Variants in ARFGEF2 observed in about 807,000 individuals in gnomAD.
The protein encoded by ARFGEF2 is brefeldin A-inhibited guanine nucleotide-exchange protein 2.
Under a neutral mutation model 219.9 loss-of-function variants are expected in ARFGEF2, and 74 were observed. The observed-to-expected ratio is 0.34, with a 90% CI of 0.28 to 0.41. The LOEUF (loss-of-function observed/expected upper bound fraction) is 0.41, where lower values mean the gene tolerates loss of function less well. Among genes scored for constraint, ARFGEF2 ranks in the 10% least tolerant of loss-of-function variants. The pLI is 1.00. For synonymous variants in ARFGEF2, 733 were observed against 799.2 expected (o/e 0.92, Z 1.40); for missense variants, 1,743 against 2,218.3 (o/e 0.79, Z 4.30).
chr20:48,980,174 A>G (rs1481687245), intron 14 of ARFGEF2, among the ~76,000 whole-genome samples: 1 of 152,198 alleles, frequency 6.6e-6, no homozygotes, highest in African/African-American at 2.4e-5. Flanking sequence ...AGACTCTGGT[A>G]CGTTGTTTCT....
intron 1 of ARFGEF2, among the ~76,000 whole-genome samples, chr20:48,933,296 T>C (rs2090924945): frequency 6.6e-6 from 1 of 152,200 alleles, no homozygotes; most frequent in Non-Finnish European, 1.5e-5. Context: ...ACCGTCCTCC[T>C]TCTGTCATCG....
intron 6 of ARFGEF2, among the ~76,000 whole-genome samples, chr20:48,963,269 G>C (rs1051280365): frequency 3.3e-5 from 5 of 151,966 alleles, no homozygotes; most frequent in African/African-American, 1.2e-4. Context: ...TTCTGCGGCG[G>C]GGGGAGTAAG....
chr20:48,959,724 C>T (rs1180286974), intron 6 of ARFGEF2, among the ~76,000 whole-genome samples: 1 of 150,730 alleles, frequency 6.6e-6, no homozygotes, highest in Non-Finnish European at 1.5e-5. Context: ...ATCCTCCTGA[C>T]TCAGCCTCCC....
chr20:48,971,082 C>T lies in ARFGEF2; in HGVS notation c.1191-38C>T, dbSNP rs568896448. On this transcript the variant is annotated intron_variant, in intron 9 of 38. Coordinates refer to ENST00000371917, the MANE Select transcript of ARFGEF2 (RefSeq NM_006420.3). ...AGAAACATACTGTTTGACATTTTTT[C>T]TTTTAGCACTGTTGTGGTTTTTCAT... The T allele has an allele frequency of 9.6e-6, 15 of 1,561,504 alleles. No homozygotes were observed. In the South Asian group the frequency reaches 1.6e-4, roughly 16 times the overall value.
intron 26 of ARFGEF2, among the ~76,000 whole-genome samples, chr20:49,007,775 C>T (rs1334356821): frequency 1.3e-5 from 2 of 152,096 alleles, no homozygotes; most frequent in Non-Finnish European, 2.9e-5. Flanking sequence ...AACCCAGAGT[C>T]TGGCATCACC....
chr20:48,974,507 A>G (rs1405147478), intron 12 of ARFGEF2, among the ~76,000 whole-genome samples: 2 of 152,140 alleles, frequency 1.3e-5, no homozygotes, highest in Non-Finnish European at 1.5e-5. Context: ...TCCAAATAAC[A>G]TTGTTCATTT....
At chr20:49,008,301 A>G (rs6122740) in intron 26 of ARFGEF2, among the ~76,000 whole-genome samples, 150,463 of 152,302 alleles carry the variant, frequency 0.99, 74,346 homozygotes, top group Middle Eastern at 1. Flanking sequence ...GGTGGCTCAC[A>G]CCTGTAATCC....
In ARFGEF2 at chr20:48,950,623, AT is replaced by A. The variant is rs200228281; in HGVS notation, c.277-699del. Among the ~76,000 whole-genome samples, 1,129 of 150,884 alleles carry A rather than the reference AT, an allele frequency of 7.5e-3. 15 individuals carry two copies. Among genetic ancestry groups the A allele is most frequent in the African/African-American group, 0.025 (1,034 of 41,158 alleles). On this transcript the variant is annotated intron_variant, in intron 3 of 38. Coordinates refer to ENST00000371917, the MANE Select transcript of ARFGEF2 (RefSeq NM_006420.3). ...AATCTGAGCAATATAGCAAGACCCC[AT>A]CTCTACAAAGAATAAAGAAAAATTA...
At chr20:48,961,636 GGCA>G (rs2091152522) in intron 6 of ARFGEF2, among the ~76,000 whole-genome samples, 1 of 152,306 alleles carries the variant, frequency 6.6e-6, no homozygotes, top group East Asian at 1.9e-4. Flanking sequence ...GGCTGAGGCA[GGCA>G]GATCACTTGA....
chr20:48,999,915 ATAGTGT>A (rs2091414917), intron 25 of ARFGEF2, among the ~76,000 whole-genome samples: 1 of 152,196 alleles, frequency 6.6e-6, no homozygotes. Context: ...ATGCTTAAAA[ATAGTGT>A]TAGTAAAAAA....
chr20:48,954,199 G>A (rs565993440), intron 6 of ARFGEF2, among the ~76,000 whole-genome samples: 2 of 152,280 alleles, frequency 1.3e-5, no homozygotes, highest in South Asian at 4.1e-4. Flanking sequence ...GCCACTCATA[G>A]ATATCCATGG....
rs2091338077 is a variant in ARFGEF2 at position 48,988,334 on chromosome 20, T to C, written c.2307T>C (p.Ala769=). 3 of 1,613,756 alleles carry C rather than the reference T, an allele frequency of 1.9e-6. No individual in the cohort carries two copies. Among genetic ancestry groups the C allele is most frequent in the African/African-American group, 2.7e-5 (2 of 75,060 alleles). ...GQTLFASADT[A]YVLAYSIIML... Reference sequence around the variant, plus strand: ...CTCTGTTTGCTAGTGCTGACACTGCTTATGTCCTAGCGTATTCAATTATTA... The same window carrying C: ...CTCTGTTTGCTAGTGCTGACACTGCCTATGTCCTAGCGTATTCAATTATTA... The change falls in exon 17 of 39, where the codon GCT becomes GCC. Residue 769 remains alanine (A), a synonymous_variant. Transcript: ENST00000371917.
intron 6 of ARFGEF2, among the ~76,000 whole-genome samples, chr20:48,962,951 G>GT (rs2091162986): frequency 6.6e-6 from 1 of 152,106 alleles, no homozygotes; most frequent in Non-Finnish European, 1.5e-5. Flanking sequence ...GCTCACGCTT[G>GT]TAATCCCAGC....
intron 17 of ARFGEF2, 22 bp from the exon 18 acceptor site, chr20:48,988,469 T>G (rs1413608771): frequency 7.5e-6 from 12 of 1,610,690 alleles, no homozygotes; most frequent in South Asian, 2.2e-5. Context: ...TTTAAATGGT[T>G]TTTAATTTTT....
chr20:48,931,005 CT>C (rs1350907661), intron 1 of ARFGEF2, among the ~76,000 whole-genome samples: 1 of 152,150 alleles, frequency 6.6e-6, no homozygotes, highest in Non-Finnish European at 1.5e-5. Flanking sequence ...AGGTGAAATG[CT>C]ACAGAGAGGT....
At position 48,975,813 on chromosome 20, in the gene ARFGEF2, G is replaced by A. The variant is rs6122737; in HGVS notation, c.1775-203G>A. Among the ~76,000 whole-genome samples, 14,605 of 108,472 alleles carry A rather than the reference G, an allele frequency of 0.13. 1,050 individuals carry two copies. The highest frequency in any genetic ancestry group is 0.17 in the East Asian group (498 of 2,948). The allele number at this position is 108,472 out of a possible 152,430, so 71.2% of individuals were successfully genotyped here. A position where few individuals can be genotyped will look rare whatever the true frequency, so the allele number is the denominator to read the frequency against. On this transcript the variant is annotated intron_variant, in intron 13 of 38. Coordinates refer to ENST00000371917, the MANE Select transcript of ARFGEF2 (RefSeq NM_006420.3). ...GAGACTCCATCTCAAAAAAAAAAAA[G>A]AATTAGCTCATCAAGTTTCATGAGG...
At chr20:48,999,949 T>A (rs1370465179) in intron 25 of ARFGEF2, among the ~76,000 whole-genome samples, 1 of 152,074 alleles carries the variant, frequency 6.6e-6, no homozygotes, top group African/African-American at 2.4e-5. Flanking sequence ...AGAAATTCTG[T>A]ACATTGAATA....
chr20:48,960,949 G>A (rs1002185596), intron 6 of ARFGEF2, among the ~76,000 whole-genome samples: 5 of 151,202 alleles, frequency 3.3e-5, no homozygotes, highest in Admixed American at 3.3e-4. Context: ...GCATGGTGGT[G>A]CACACCTGTA....
intron 19 of ARFGEF2, 47 bp downstream of exon 19, chr20:48,989,483 G>A: frequency 6.2e-7 from 1 of 1,614,220 alleles, no homozygotes; most frequent in Non-Finnish European, 8.5e-7. Context: ...GCCTGATTCT[G>A]AAGCTGGCCA....
Sources: gnomAD v4.1 joint callset for allele counts (sites outside exome capture counted in the v4.1 genomes callset) on GRCh38, gnomAD v4.1.1 for gene constraint, MANE v1.5 for transcripts, NCBI Gene and HGNC (gene_info 2026-07-23, HGNC 2026-07-21) for gene names.